The following MAGED1 variants were observed in gnomAD, a reference collection of about 807,000 sequenced individuals.
The protein encoded by MAGED1 is MAGE family member D1, also known as melanoma-associated antigen D1.
A neutral mutation model predicts 54.1 loss-of-function variants in MAGED1; 3 were observed. That is an observed-to-expected ratio of 0.06 (90% CI 0.03 to 0.14). The LOEUF is 0.14. Among genes scored for constraint, MAGED1 ranks in the 10% least tolerant of loss-of-function variants. MAGED1 has a pLI of 1.00. For synonymous variants in MAGED1, 217 were observed against 227.3 expected (o/e 0.95, Z 0.41); for missense variants, 485 against 623.4 (o/e 0.78, Z 2.36).
In MAGED1 at chrX:51,894,987, C is replaced by T; in HGVS notation, c.46-66C>T. 6 of 1,018,516 alleles carry T rather than the reference C, an allele frequency of 5.9e-6. No individual in the cohort carries two copies. In the South Asian group the frequency reaches 1.4e-4, roughly 24 times the overall value. The allele number at this position is 1,018,516 out of a possible 1,213,427, so 83.9% of individuals were successfully genotyped here. A position where few individuals can be genotyped will look rare whatever the true frequency, so the allele number is the denominator to read the frequency against. On this transcript the variant is annotated intron_variant, in intron 2 of 12. Coordinates refer to ENST00000326587, the MANE Select transcript of MAGED1 (RefSeq NM_006986.4). ...GCTGCTGCGCTGCCACCCGGGCTCC[C>T]TATTCCCACCCCACCTCCTGCCTCA...
At chrX:51,900,407 A>G (rs1277076414) in intron 11 of MAGED1, 111 bp downstream of exon 11, 3 of 525,369 alleles carry the variant, frequency 5.7e-6, no homozygotes, top group Non-Finnish European at 9.4e-6. Context: ...TAGGTGCCGC[A>G]TTGCTGGTGG....
At chrX:51,813,446 G>T (rs1346588282) in intron 1 of MAGED1, among the ~76,000 whole-genome samples, 1 of 111,835 alleles carries the variant, frequency 8.9e-6, no homozygotes, top group Non-Finnish European at 1.9e-5. Context: ...AACCATGCAA[G>T]TGTCTTCCTG....
intron 1 of MAGED1, among the ~76,000 whole-genome samples, chrX:51,824,858 A>C (rs1925791649): frequency 1.4e-5 from 1 of 73,477 alleles, no homozygotes; most frequent in African/African-American, 6.1e-5. Context: ...ACAGTCTCAG[A>C]AACCTGTGTG....
chrX:51,846,164 G>T (rs1926681802), intron 1 of MAGED1, among the ~76,000 whole-genome samples: 1 of 111,949 alleles, frequency 8.9e-6, no homozygotes, highest in African/African-American at 3.2e-5. Context: ...CCTGAAACTT[G>T]TGAATATATG....
At chrX:51,833,939 A>T (rs1926158135) in intron 1 of MAGED1, among the ~76,000 whole-genome samples, 1 of 111,640 alleles carries the variant, frequency 9.0e-6, no homozygotes, top group Non-Finnish European at 1.9e-5. Context: ...TTCAGTATTT[A>T]TCATTCCTCT....
intron 1 of MAGED1, among the ~76,000 whole-genome samples, chrX:51,879,723 A>G (rs991031046): frequency 1.5e-4 from 17 of 111,572 alleles, no homozygotes; most frequent in African/African-American, 5.5e-4. Context: ...AGATTTGCCT[A>G]TCCATCAAGA....
chrX:51,821,088 A>T (rs190032536), intron 1 of MAGED1, among the ~76,000 whole-genome samples: 77 of 111,532 alleles, frequency 6.9e-4, no homozygotes, highest in Non-Finnish European at 3.6e-4. Context: ...TGGATTTTTC[A>T]TTGCAAGGTA....
At chrX:51,803,627 CT>C (rs1179676499) in intron 1 of MAGED1, among the ~76,000 whole-genome samples, 1,361 of 60,404 alleles carry the variant, frequency 0.023, 9 homozygotes, top group African/African-American at 0.048. Flanking sequence ...AAGGTCAAGG[CT>C]TTTTTTTTTT....
chrX:51,814,740 C>T (rs1273724648), intron 1 of MAGED1, among the ~76,000 whole-genome samples: 2 of 110,280 alleles, frequency 1.8e-5, no homozygotes, highest in Non-Finnish European at 3.8e-5. Flanking sequence ...ATGCGTTACT[C>T]ACGTATTTAT....
Position 51,875,490 on chromosome X carries a change from C to T in MAGED1, c.-36-18779C>T, listed in dbSNP as rs373501830. On this transcript the variant is annotated intron_variant, in intron 1 of 12. Transcript: ENST00000375772. ...TCTCAGGGATTACTCTTCTTCATTG[C>T]CTAATGTTCAGTGTCTTCAAAAACC... Among the ~76,000 whole-genome samples the T allele has an allele frequency of 6.8e-4, 76 of 111,649 alleles. 2 individuals are homozygous for T. Among genetic ancestry groups the T allele is most frequent in the African/African-American group, 2.4e-3 (73 of 30,767 alleles).
chrX:51,894,946 G>C (rs1296030067), intron 2 of MAGED1, 107 bp from the exon 3 acceptor site: 1 of 873,930 alleles, frequency 1.1e-6, no homozygotes, highest in Non-Finnish European at 1.5e-6. Flanking sequence ...TGCACCCACC[G>C]CCCGCCTGCA....
At position 51,896,622 on chromosome X, in the gene MAGED1, C is replaced by T; in HGVS notation, c.967C>T (p.Pro323Ser). 8.2e-7 allele frequency: 1 copy of T among 1,212,193 alleles called. No homozygotes were observed. The highest frequency in any genetic ancestry group is 1.8e-5 in the South Asian group (1 of 57,004). Residue 323 changes from proline to serine, a missense_variant, in exon 4 of 13, where the codon CCT (proline) becomes TCT (serine). By Grantham distance (74) the Pro-to-Ser change is moderately conservative. Coordinates refer to ENST00000326587, the MANE Select transcript of MAGED1 (RefSeq NM_006986.4). ...ARQTPPARQS[P>S]PARQTPPAWQ... ...GCAGACCCCACCAGCACGTCAGAGCCCTCCAGCTAGGCAGACCCCACCAGC... is the reference window on the plus strand; with the variant it reads ...GCAGACCCCACCAGCACGTCAGAGCTCTCCAGCTAGGCAGACCCCACCAGC...
chrX:51,826,765 C>CATTCTT (rs782586654), intron 1 of MAGED1, among the ~76,000 whole-genome samples: 2 of 112,453 alleles, frequency 1.8e-5, no homozygotes, highest in Admixed American at 9.4e-5. Flanking sequence ...CAGGAGCTCT[C>CATTCTT]ATTCTTTCCT....
chrX:51,814,688 T>G lies in MAGED1; in HGVS notation c.-37+11571T>G, dbSNP rs1478873189. 2.7e-5 allele frequency among the ~76,000 whole-genome samples: 3 copies of G among 111,573 alleles called. No homozygotes were observed. The Admixed American group carries it at 2.8e-4, about 11-fold the overall frequency. On this transcript the variant is annotated intron_variant, in intron 1 of 12. Transcript: ENST00000375772. Reference sequence around the variant, plus strand: ...GACTATAATGGAGCCGAAAAATTCCTGTCATCTAGTGATGTCATAGCTGTT... The same window carrying G: ...GACTATAATGGAGCCGAAAAATTCCGGTCATCTAGTGATGTCATAGCTGTT...
intron 1 of MAGED1, among the ~76,000 whole-genome samples, chrX:51,826,213 T>C (rs1439780172): frequency 2.7e-5 from 3 of 112,355 alleles, no homozygotes; most frequent in African/African-American, 6.5e-5. Context: ...CCAGTTTTAT[T>C]AGATGTCTCT....
At chrX:51,814,261 T>C (rs1198417020) in intron 1 of MAGED1, among the ~76,000 whole-genome samples, 2 of 111,922 alleles carry the variant, frequency 1.8e-5, no homozygotes, top group East Asian at 2.8e-4. Context: ...TGGCTGTTGC[T>C]GCTGCTGCTG....
chrX:51,901,447 G>GTT, intron 11 of MAGED1, 106 bp from the exon 12 acceptor site: 1 of 705,859 alleles, frequency 1.4e-6, no homozygotes, highest in Non-Finnish European at 2.0e-6. Context: ...GTGTGTGTGT[G>GTT]TATCACATTG....
chrX:51,809,032 C>T (rs1245751054), intron 1 of MAGED1, among the ~76,000 whole-genome samples: 1 of 112,191 alleles, frequency 8.9e-6, no homozygotes, highest in Non-Finnish European at 1.9e-5. Flanking sequence ...AAGTCAGTAT[C>T]CAAACAAGGA....
At chrX:51,870,403 TTTG>T (rs781837303) in intron 1 of MAGED1, among the ~76,000 whole-genome samples, 9 of 111,978 alleles carry the variant, frequency 8.0e-5, no homozygotes, top group Non-Finnish European at 1.3e-4. Context: ...TGAAGTTTTT[TTTG>T]TTGTTGTTCT....
Sources: gnomAD v4.1 joint callset for allele counts (sites outside exome capture counted in the v4.1 genomes callset) on GRCh38, gnomAD v4.1.1 for gene constraint, MANE v1.5 for transcripts, NCBI Gene and HGNC (gene_info 2026-07-23, HGNC 2026-07-21) for gene names.